The following COG6 variants were observed in gnomAD, a reference collection of about 807,000 sequenced individuals.
COG6 encodes the protein conserved oligomeric Golgi complex subunit 6.
Under a neutral mutation model 88.8 loss-of-function variants are expected in COG6, and 74 were observed. The observed-to-expected ratio is 0.83, with a 90% CI of 0.69 to 1.01. COG6 has a LOEUF of 1.01. Ranked by LOEUF, COG6 falls within the 50% of genes least tolerant of loss-of-function variation. COG6 has a pLI of 0.00. For synonymous variants in COG6, 286 were observed against 278.7 expected (o/e 1.03, Z -0.26); for missense variants, 800 against 797.9 (o/e 1.00, Z -0.03).
chr13:39,788,921 A>G (rs1881856292), exon 19 of COG6: 1 of 153,182 alleles, frequency 6.5e-6, no homozygotes, highest in East Asian at 1.9e-4. Context: ...AAATATACTC[A>G]CTTGTACTTG....
chr13:39,672,168 T>G lies in COG6; in HGVS notation c.429-5300T>G, dbSNP rs149188334. The stretch of plus-strand genomic sequence containing the variant: ...AAATGTTATTAAGGAGTGGAAAGTA[T>G]CAAGCTGGAAGAATGTATTAGATGC... On this transcript the variant is annotated intron_variant, in intron 4 of 18. Transcript: ENST00000455146. Among the ~76,000 whole-genome samples, 241 of 152,154 alleles carry G rather than the reference T, an allele frequency of 1.6e-3. 1 individual carries two copies. The highest frequency in any genetic ancestry group is 6.8e-3 in the Middle Eastern group (2 of 294).
At chr13:39,684,317 C>G (rs935514228) in intron 8 of COG6, among the ~76,000 whole-genome samples, 4 of 121,788 alleles carry the variant, frequency 3.3e-5, no homozygotes, top group East Asian at 2.8e-4. Context: ...GACGCAATCT[C>G]GGCTCACTGC....
intron 7 of COG6, among the ~76,000 whole-genome samples, 155 bp downstream of exon 7, chr13:39,680,200 T>C (rs1876227637): frequency 3.9e-5 from 6 of 152,208 alleles, no homozygotes. Context: ...AATTTTTACT[T>C]GGTCTTTGAT....
intron 1 of COG6, chr13:39,656,959 A>G (rs1179034261): frequency 1.1e-5 from 5 of 449,542 alleles, no homozygotes; most frequent in Non-Finnish European, 2.2e-5. Flanking sequence ...CATAAAATTT[A>G]TGAAGTGTTT....
chr13:39,769,535 C>A (rs902719994), intron 18 of COG6, among the ~76,000 whole-genome samples: 1 of 152,188 alleles, frequency 6.6e-6, no homozygotes, highest in Non-Finnish European at 1.5e-5. Flanking sequence ...CTAAAATAAT[C>A]TGTGCAAAGC....
intron 5 of COG6, chr13:39,678,280 C>T: frequency 3.2e-6 from 1 of 308,834 alleles, no homozygotes; most frequent in Non-Finnish European, 6.3e-6. Flanking sequence ...CACTGTGTTG[C>T]CCAGGCTGGT....
chr13:39,739,098 AT>A (rs1455598111), intron 18 of COG6, among the ~76,000 whole-genome samples: 3 of 152,148 alleles, frequency 2.0e-5, no homozygotes, highest in African/African-American at 7.2e-5. Context: ...CGGATAAAAC[AT>A]TCATGAAACT....
rs187746871 is a variant in COG6, at chr13:39,664,887, G to A, written c.370-209G>A. ...CTGGATACCTTTTTCTTTCTTGTAA[G>A]CCTTAGCATTATGTGTATATTAAGA... On this transcript the variant is annotated intron_variant, in intron 3 of 18. Transcript: ENST00000455146. 5.3e-5 allele frequency among the ~76,000 whole-genome samples: 8 copies of A among 152,198 alleles called. No homozygotes were observed. In the East Asian group the frequency reaches 1.5e-3, roughly 29 times the overall value.
rs918814177 is a variant in COG6 at position 39,665,105 on chromosome 13, G to A, written c.379G>A (p.Glu127Lys). 6.8e-7 allele frequency: 1 copy of A among 1,477,996 alleles called. No individual in the cohort carries two copies. Among genetic ancestry groups the A allele is most frequent in the Non-Finnish European group, 9.5e-7 (1 of 1,057,064 alleles). 91.6% of individuals were successfully genotyped at this position (1,477,996 alleles called of 1,614,324 possible). A position where few individuals can be genotyped will look rare whatever the true frequency, so the allele number is the denominator to read the frequency against. Reference protein sequence around the residue: ...DMTSRLQAAKEQTQDLIVKTT... With the variant: ...DMTSRLQAAKKQTQDLIVKTT... The stretch of plus-strand genomic sequence containing the variant: ...ATGTTTATAATTTTAGGCAGCAAAG[G>A]AACAGACTCAAGATTTAATAGTAAA... The change falls in exon 4 of 19, where the codon GAA becomes AAA. Residue 127 changes from glutamate to lysine, a missense_variant. Physicochemically the swap from Glu to Lys is moderately conservative, Grantham distance 56 (BLOSUM62 1). Coordinates refer to ENST00000455146, the MANE Select transcript of COG6 (RefSeq NM_020751.3).
chr13:39,676,965 C>T (rs1446930087), intron 4 of COG6, among the ~76,000 whole-genome samples: 4 of 152,044 alleles, frequency 2.6e-5, no homozygotes, highest in Non-Finnish European at 5.9e-5. Flanking sequence ...GGATAAGTGA[C>T]TAGCAATTTA....
intron 18 of COG6, among the ~76,000 whole-genome samples, chr13:39,734,806 A>G (rs925715806): frequency 3.3e-5 from 5 of 152,158 alleles, no homozygotes; most frequent in South Asian, 4.1e-4. Context: ...TATATTTACA[A>G]TTGTTATATC....
intron 18 of COG6, among the ~76,000 whole-genome samples, chr13:39,767,956 A>T (rs1042182837): frequency 6.6e-6 from 1 of 152,002 alleles, no homozygotes; most frequent in Non-Finnish European, 1.5e-5. Context: ...GTCAGTCCCA[A>T]CTCTGAGCTG....
intron 18 of COG6, among the ~76,000 whole-genome samples, chr13:39,746,817 T>C (rs1440291197): frequency 6.6e-6 from 1 of 152,170 alleles, no homozygotes; most frequent in African/African-American, 2.4e-5. Flanking sequence ...GAGAATAAAA[T>C]GGTTTTAACA....
intron 13 of COG6, among the ~76,000 whole-genome samples, chr13:39,713,463 C>T (rs1342162641): frequency 1.3e-5 from 2 of 152,040 alleles, no homozygotes; most frequent in African/African-American, 2.4e-5. Flanking sequence ...TGGCCAGGTG[C>T]GGTGGCTCAC....
At chr13:39,675,944 C>T in intron 4 of COG6, among the ~76,000 whole-genome samples, 1 of 152,116 alleles carries the variant, frequency 6.6e-6, no homozygotes, top group Non-Finnish European at 1.5e-5. Flanking sequence ...TTATAATTGA[C>T]ATATAATGAT....
rs1251956524 is a variant in COG6 at position 39,773,324 on chromosome 13, G to A, written c.1827-15011G>A. On this transcript the variant is annotated intron_variant, in intron 18 of 18. Coordinates refer to the COG6 transcript ENST00000416691. ...CAAATCAACTTCCTTGGTAGTGTGA[G>A]GGGAAAGATCTTTACATGATCTTAA... Among the ~76,000 whole-genome samples the A allele has an allele frequency of 2.0e-5, 3 of 152,234 alleles. No homozygotes were observed. In the East Asian group the frequency reaches 5.8e-4, roughly 29 times the overall value.
intron 18 of COG6, among the ~76,000 whole-genome samples, chr13:39,765,781 A>T (rs1881146484): frequency 6.6e-6 from 1 of 152,240 alleles, no homozygotes; most frequent in African/African-American, 2.4e-5. Context: ...CTAAGGTTTC[A>T]TAGAATTTTG....
chr13:39,769,425 C>T (rs909211801), intron 18 of COG6, among the ~76,000 whole-genome samples: 2 of 152,104 alleles, frequency 1.3e-5, no homozygotes, highest in African/African-American at 2.4e-5. Context: ...AGCTGTTGGC[C>T]GTGGGACCTG....
intron 6 of COG6, 131 bp from the exon 7 acceptor site, chr13:39,679,844 T>C (rs2137987802): frequency 2.9e-6 from 2 of 685,766 alleles, no homozygotes; most frequent in Middle Eastern, 7.9e-4. Context: ...TGTAGAAAAT[T>C]ATTGAAAAAT....
Sources: gnomAD v4.1 joint callset for allele counts (sites outside exome capture counted in the v4.1 genomes callset) on GRCh38, gnomAD v4.1.1 for gene constraint, MANE v1.5 for transcripts, NCBI Gene and HGNC (gene_info 2026-07-23, HGNC 2026-07-21) for gene names.